The following ROBO1 variants were observed in gnomAD, a reference collection of about 807,000 sequenced individuals.
ROBO1 encodes the protein roundabout homolog 1.
ROBO1 carries 149 observed loss-of-function variants against 195.9 expected under a neutral mutation model. That is an observed-to-expected ratio of 0.76 (90% confidence interval 0.67 to 0.87). The LOEUF (loss-of-function observed/expected upper bound fraction) is 0.87. Ranked by LOEUF, ROBO1 falls within the 40% of genes least tolerant of loss-of-function variation. The pLI is 0.00. For missense variants in ROBO1, 1,933 were observed against 2,068.3 expected, an observed-to-expected ratio of 0.93 and a Z score of 1.27; for synonymous variants, 816 against 733.2, an observed-to-expected ratio of 1.11 and a Z score of -1.82.
intron 2 of ROBO1, among the ~76,000 whole-genome samples, chr3:79,543,274 A>T (rs1268621319): frequency 6.6e-6 from 1 of 152,102 alleles, no homozygotes; most frequent in Admixed American, 6.6e-5. Context: ...AAGATTCCAG[A>T]TTCGCTTTTT....
At chr3:78,928,895 T>C (rs1173547656) in intron 4 of ROBO1, among the ~76,000 whole-genome samples, 3 of 152,208 alleles carry the variant, frequency 2.0e-5, no homozygotes, top group Non-Finnish European at 4.4e-5. Flanking sequence ...AGTAACTTAA[T>C]GTGACTAAAT....
chr3:79,599,632 C>T (rs1044023305), intron 1 of ROBO1, among the ~76,000 whole-genome samples: 1 of 151,792 alleles, frequency 6.6e-6, no homozygotes, highest in Non-Finnish European at 1.5e-5. Context: ...AAAAACACAG[C>T]AGTAAATGCA....
rs374377672 is a variant in ROBO1, at chr3:79,136,067, G to C, written c.89-10528C>G. On this transcript the variant is annotated intron_variant, in intron 2 of 30. Transcript: ENST00000464233. ...CAATGGCATTTCTCTTTCACCAGTGGTATTAAAATAGGTAATATTGGTTTT... is the reference window on the plus strand; with the variant it reads ...CAATGGCATTTCTCTTTCACCAGTGCTATTAAAATAGGTAATATTGGTTTT... Among the ~76,000 whole-genome samples the C allele has an allele frequency of 1.7e-4, 26 of 152,248 alleles. 1 individual carries two copies. Among genetic ancestry groups the C allele is most frequent in the African/African-American group, 6.0e-4 (25 of 41,558 alleles).
At chr3:78,906,652 G>T (rs2037940382) in intron 4 of ROBO1, among the ~76,000 whole-genome samples, 1 of 152,030 alleles carries the variant, frequency 6.6e-6, no homozygotes, top group Non-Finnish European at 1.5e-5. Flanking sequence ...GTTCTCAAAT[G>T]GTTTGATGTC....
chr3:78,639,263 C>A (rs1418162567), intron 22 of ROBO1, among the ~76,000 whole-genome samples: 1 of 151,932 alleles, frequency 6.6e-6, no homozygotes, highest in African/African-American at 2.4e-5. Context: ...TCGAGGCCAG[C>A]CTGGGCAACA....
chr3:79,523,239 G>A lies in ROBO1; in HGVS notation c.88+66585C>T, dbSNP rs1575965117. Among the ~76,000 whole-genome samples the A allele has an allele frequency of 1.3e-5, 2 of 151,210 alleles. 1 individual carries two copies. The highest frequency in any genetic ancestry group is 3.9e-4 in the East Asian group (2 of 5,114). On this transcript the variant is annotated intron_variant, in intron 2 of 30. Coordinates refer to ENST00000464233, the MANE Select transcript of ROBO1 (RefSeq NM_002941.4). The stretch of plus-strand genomic sequence containing the variant: ...CAGTTACACAATTCTCAATCCTTTA[G>A]TTAAAGAAACTACAACAGCATGCAT...
At chr3:79,643,999 G>A (rs929946496) in intron 1 of ROBO1, among the ~76,000 whole-genome samples, 2 of 152,110 alleles carry the variant, frequency 1.3e-5, no homozygotes, top group African/African-American at 4.8e-5. Context: ...CTTATAGACT[G>A]AAAGTGAAGA....
At chr3:78,756,162 T>C (rs1181403955) in intron 4 of ROBO1, among the ~76,000 whole-genome samples, 1 of 152,150 alleles carries the variant, frequency 6.6e-6, no homozygotes, top group African/African-American at 2.4e-5. Context: ...TAGTCATTGA[T>C]ATACTGTGAT....
intron 4 of ROBO1, among the ~76,000 whole-genome samples, chr3:78,922,890 A>G (rs328047): frequency 0.44 from 67,185 of 151,836 alleles, 16,598 homozygotes; most frequent in African/African-American, 0.68. Flanking sequence ...GAGCTATCGC[A>G]TCTGGACTCA....
intron 4 of ROBO1, among the ~76,000 whole-genome samples, chr3:78,827,850 C>G (rs1347332691): frequency 2.6e-5 from 4 of 152,126 alleles, no homozygotes; most frequent in African/African-American, 9.7e-5. Context: ...GGAGGTTGAT[C>G]TTCTTTACCA....
At chr3:78,980,278 C>T (rs1421394115) in intron 3 of ROBO1, among the ~76,000 whole-genome samples, 2 of 152,108 alleles carry the variant, frequency 1.3e-5, no homozygotes, top group Non-Finnish European at 2.9e-5. Context: ...GTAAGGATTA[C>T]AATCACCACT....
chr3:79,627,007 C>T (rs1248623069), intron 1 of ROBO1, among the ~76,000 whole-genome samples: 1 of 151,110 alleles, frequency 6.6e-6, no homozygotes, highest in Non-Finnish European at 1.5e-5. Context: ...AAGGGATGAC[C>T]TAAACAGAAA....
chr3:78,648,320 TG>T (rs1328890079), intron 19 of ROBO1, among the ~76,000 whole-genome samples: 1 of 152,084 alleles, frequency 6.6e-6, no homozygotes, highest in East Asian at 1.9e-4. Flanking sequence ...TAAAAACTTG[TG>T]AATGGACAGA....
chr3:78,882,065 A>T (rs185280377), intron 4 of ROBO1, among the ~76,000 whole-genome samples: 25 of 147,180 alleles, frequency 1.7e-4, no homozygotes, highest in Non-Finnish European at 2.9e-4. Context: ...AATAGTATGT[A>T]AAAAAAAGTA....
At chr3:78,967,699 G>A (rs2076678019) in intron 3 of ROBO1, among the ~76,000 whole-genome samples, 1 of 151,912 alleles carries the variant, frequency 6.6e-6, no homozygotes, top group African/African-American at 2.4e-5. Flanking sequence ...ATTTTAAAAT[G>A]TTAATCCCTT....
At chr3:78,740,450 T>TTTC (rs2082499913) in intron 5 of ROBO1, among the ~76,000 whole-genome samples, 67 of 103,232 alleles carry the variant, frequency 6.5e-4, no homozygotes, top group Admixed American at 1.4e-3. Flanking sequence ...ATTTTTCTTT[T>TTTC]TTTCTTTCTT....
At chr3:79,279,588 A>C (rs1362082578) in intron 2 of ROBO1, among the ~76,000 whole-genome samples, 1 of 152,220 alleles carries the variant, frequency 6.6e-6, no homozygotes, top group Non-Finnish European at 1.5e-5. Context: ...CATGTGATCC[A>C]GCAATCACAT....
At chr3:79,282,419 G>A (rs2031583351) in intron 2 of ROBO1, among the ~76,000 whole-genome samples, 1 of 152,166 alleles carries the variant, frequency 6.6e-6, no homozygotes, top group Admixed American at 6.5e-5. Flanking sequence ...TGCTATTGTG[G>A]GGCTTTCATG....
intron 2 of ROBO1, among the ~76,000 whole-genome samples, chr3:79,251,894 G>A (rs2082736409): frequency 1.3e-5 from 2 of 152,244 alleles, no homozygotes; most frequent in East Asian, 1.9e-4. Context: ...AGGTTGCAGT[G>A]AGCCAAGATT....
Sources: gnomAD v4.1 joint callset for allele counts (sites outside exome capture counted in the v4.1 genomes callset) on GRCh38, gnomAD v4.1.1 for gene constraint, MANE v1.5 for transcripts, NCBI Gene and HGNC (gene_info 2026-07-23, HGNC 2026-07-21) for gene names.